Variants in DYNC1I1 observed in about 807,000 individuals in gnomAD.
DYNC1I1 encodes cytoplasmic dynein 1 intermediate chain 1.
A neutral mutation model predicts 86.6 loss-of-function variants in DYNC1I1; 43 were observed. The observed-to-expected ratio is 0.50, with a 90% CI of 0.39 to 0.64. The LOEUF is 0.64. DYNC1I1 is among the 30% of genes least tolerant of loss of function. The pLI, the probability that DYNC1I1 is intolerant of heterozygous loss-of-function variation, is 0.00. For missense variants in DYNC1I1, 604 were observed against 788.8 expected, an observed-to-expected ratio of 0.77 and a Z score of 2.81; for synonymous variants, 262 against 283.7, an observed-to-expected ratio of 0.92 and a Z score of 0.77.
At chr7:96,048,126 A>C (rs945199096) in intron 14 of DYNC1I1, among the ~76,000 whole-genome samples, 2 of 152,130 alleles carry the variant, frequency 1.3e-5, no homozygotes, top group Non-Finnish European at 2.9e-5. Context: ...GGAGGATTAG[A>C]CCAGGTCCTG....
chr7:95,835,579 G>A (rs973657189), intron 5 of DYNC1I1, among the ~76,000 whole-genome samples: 1 of 151,638 alleles, frequency 6.6e-6, no homozygotes, highest in Non-Finnish European at 1.5e-5. Context: ...GGGTGTTAAA[G>A]TCTCCCATTA....
At chr7:95,991,596 T>G (rs1234445618) in intron 9 of DYNC1I1, among the ~76,000 whole-genome samples, 6 of 152,152 alleles carry the variant, frequency 3.9e-5, no homozygotes. Context: ...CGCCTTTGGC[T>G]CAGCTGGGTC....
At chr7:95,773,829 T>C (rs982891686) in intron 1 of DYNC1I1, among the ~76,000 whole-genome samples, 4 of 152,122 alleles carry the variant, frequency 2.6e-5, no homozygotes, top group African/African-American at 9.7e-5. Context: ...AACACAGACA[T>C]GGGTAACCAG....
intron 6 of DYNC1I1, among the ~76,000 whole-genome samples, chr7:95,928,453 A>T (rs947303954): frequency 2.0e-5 from 3 of 152,198 alleles, no homozygotes; most frequent in African/African-American, 7.2e-5. Context: ...TAGTGCAAGG[A>T]GCTGAGTGGC....
At chr7:96,035,360 T>C (rs1238755328) in intron 12 of DYNC1I1, among the ~76,000 whole-genome samples, 3 of 152,170 alleles carry the variant, frequency 2.0e-5, no homozygotes, top group African/African-American at 7.2e-5. Context: ...GCACCATTAG[T>C]TTCAAAATTC....
At chr7:96,018,521 C>G (rs866102183) in intron 10 of DYNC1I1, among the ~76,000 whole-genome samples, 3 of 152,060 alleles carry the variant, frequency 2.0e-5, no homozygotes, top group Non-Finnish European at 4.4e-5. Flanking sequence ...GAATGCTGGC[C>G]GCAAGTAAAT....
At chr7:95,958,393 C>A (rs914130829) in intron 6 of DYNC1I1, among the ~76,000 whole-genome samples, 1 of 152,070 alleles carries the variant, frequency 6.6e-6, no homozygotes, top group African/African-American at 2.4e-5. Context: ...GAGTTCAAGA[C>A]CAGCCTGGGC....
At chr7:95,798,733 G>C (rs1794506015) in intron 1 of DYNC1I1, among the ~76,000 whole-genome samples, 1 of 152,130 alleles carries the variant, frequency 6.6e-6, no homozygotes, top group African/African-American at 2.4e-5. Flanking sequence ...GATCTATATT[G>C]TTCAAAAGCT....
intron 6 of DYNC1I1, among the ~76,000 whole-genome samples, chr7:95,925,842 C>G (rs372308087): frequency 6.6e-6 from 1 of 152,238 alleles, no homozygotes; most frequent in Non-Finnish European, 1.5e-5. Flanking sequence ...ATGCTTTAAA[C>G]GTTATTTTGT....
chr7:96,017,338 C>T (rs1423498528), intron 10 of DYNC1I1, among the ~76,000 whole-genome samples: 3 of 152,126 alleles, frequency 2.0e-5, no homozygotes, highest in Non-Finnish European at 2.9e-5. Flanking sequence ...AGTTTGCCTT[C>T]GCCTTGTACC....
intron 5 of DYNC1I1, among the ~76,000 whole-genome samples, chr7:95,834,033 A>C (rs1317792903): frequency 1.2e-4 from 8 of 68,514 alleles, no homozygotes; most frequent in Non-Finnish European, 2.0e-4. Flanking sequence ...GAGAGAGGGC[A>C]TCCCTGTCTT....
At chr7:96,014,875 T>A (rs191720926) in intron 10 of DYNC1I1, among the ~76,000 whole-genome samples, 1 of 152,216 alleles carries the variant, frequency 6.6e-6, no homozygotes, top group East Asian at 1.9e-4. Flanking sequence ...AAAAGGAGGG[T>A]GGTCTTACCA....
chr7:95,958,570 A>T (rs1792780528), intron 6 of DYNC1I1, among the ~76,000 whole-genome samples: 2 of 152,320 alleles, frequency 1.3e-5, no homozygotes, highest in South Asian at 4.1e-4. Flanking sequence ...CTTAAAAAAA[A>T]AGAAAAGAAA....
intron 16 of DYNC1I1, among the ~76,000 whole-genome samples, chr7:96,087,752 G>C (rs149076768): frequency 1.3e-4 from 20 of 152,222 alleles, no homozygotes; most frequent in African/African-American, 4.8e-4. Context: ...GGATTTTTCA[G>C]TTTTTACTTG....
At chr7:96,045,696 C>T (rs1160312545) in intron 14 of DYNC1I1, among the ~76,000 whole-genome samples, 1 of 152,076 alleles carries the variant, frequency 6.6e-6, no homozygotes, top group African/African-American at 2.4e-5. Flanking sequence ...TAGGATTCCA[C>T]TGAGGCAGGC....
chr7:95,984,201 A>G (rs1045778091), intron 7 of DYNC1I1, among the ~76,000 whole-genome samples: 14 of 152,216 alleles, frequency 9.2e-5, no homozygotes, highest in African/African-American at 3.4e-4. Flanking sequence ...TTATAGAAGC[A>G]TGTATTTGTT....
intron 14 of DYNC1I1, among the ~76,000 whole-genome samples, chr7:96,051,071 G>A (rs1391781872): frequency 1.3e-5 from 2 of 152,128 alleles, no homozygotes; most frequent in Non-Finnish European, 2.9e-5. Context: ...CAGCTTGTCT[G>A]TTTGCTGAGG....
In DYNC1I1 at chr7:96,058,308, G is replaced by A. The variant is rs528484061; in HGVS notation, c.1510-17749G>A. ...TTTTAACTTTGATAAGAATAGAAAC[G>A]TGACACGATCTCTGGTGCCAACAGG... On this transcript the variant is annotated intron_variant, in intron 14 of 16. Transcript: ENST00000447467. Among the ~76,000 whole-genome samples, 8 of 152,258 alleles carry A rather than the reference G, an allele frequency of 5.3e-5. No individual in the cohort carries two copies. In the South Asian group the frequency reaches 1.7e-3, roughly 32 times the overall value.
intron 6 of DYNC1I1, among the ~76,000 whole-genome samples, chr7:95,936,384 T>C (rs1792040576): frequency 6.6e-6 from 1 of 151,984 alleles, no homozygotes; most frequent in African/African-American, 2.4e-5. Flanking sequence ...TAAACACTTC[T>C]TACTAAAAAT....
Sources: gnomAD v4.1 joint callset for allele counts (sites outside exome capture counted in the v4.1 genomes callset) on GRCh38, gnomAD v4.1.1 for gene constraint, MANE v1.5 for transcripts, NCBI Gene and HGNC (gene_info 2026-07-23, HGNC 2026-07-21) for gene names.